STOX2: variants seen among roughly 807,000 people sequenced by gnomAD.
STOX2 encodes the protein storkhead-box protein 2.
STOX2 carries 28 observed loss-of-function variants against 60.9 expected under a neutral mutation model. The ratio of observed to expected loss-of-function variants is 0.46; its 90% CI spans 0.34 to 0.63. STOX2 has a LOEUF of 0.63. STOX2 is among the 30% of genes least tolerant of loss of function. The pLI is 0.01. For synonymous variants in STOX2, 472 were observed against 463.9 expected (o/e 1.02, Z -0.22); for missense variants, 1,024 against 1,187.7 (o/e 0.86, Z 2.03).
Position 183,980,439 on chromosome 4 carries a change from G to A in STOX2, c.167-20886G>A, listed in dbSNP as rs376105009. ...TGTCATTCTTGTCAGTAGGGATAGA[G>A]GTGGACATTAGGAGTCTGTCCCCGG... is the stretch of plus-strand genomic sequence containing the variant. On this transcript the variant is annotated intron_variant, in intron 1 of 3. Transcript: ENST00000308497. Among the ~76,000 whole-genome samples the A allele has an allele frequency of 2.6e-5, 4 of 152,294 alleles. No individual in the cohort carries two copies. The East Asian group carries it at 7.7e-4, about 29-fold the overall frequency.
Position 184,001,209 on chromosome 4 carries a change from T to C in STOX2, c.167-116T>C, listed in dbSNP as rs1400692156. The C allele has an allele frequency of 1.1e-5, 10 of 925,330 alleles. No individual in the cohort carries two copies. Among genetic ancestry groups the C allele is most frequent in the Non-Finnish European group, 1.6e-5 (10 of 613,260 alleles). The allele number at this position is 925,330 out of a possible 1,614,324, so 57.3% of individuals were successfully genotyped here. A position where few individuals can be genotyped will look rare whatever the true frequency, so the allele number is the denominator to read the frequency against. ...GAGTGGAATTGGCAAGCAGCTGCTA[T>C]GTTCGGAGCTGACTGTGTTCGTCAG... On this transcript the variant is annotated intron_variant, in intron 1 of 3. Coordinates refer to ENST00000308497, the MANE Select transcript of STOX2 (RefSeq NM_020225.3). This position sits in a 1 kb window ranked among gnomAD's most constrained non-coding sequence, Gnocchi z 4.2.
chr4:183,878,898 C>G lies in STOX2; in HGVS notation c.364+80843C>G, dbSNP rs185629803. ...TTTCCCTAAAGATTTACAGTGAAAGCTCTGCTCTCTAGAATTGTTCTTTAC... is the reference window on the plus strand; with the variant it reads ...TTTCCCTAAAGATTTACAGTGAAAGGTCTGCTCTCTAGAATTGTTCTTTAC... On this transcript the variant is annotated intron_variant, in intron 1 of 2. Transcript: ENST00000513034. Among the ~76,000 whole-genome samples the G allele has an allele frequency of 7.3e-5, 11 of 150,146 alleles. No individual in the cohort carries two copies. The East Asian group carries it at 2.1e-3, about 29-fold the overall frequency.
intron 1 of STOX2, among the ~76,000 whole-genome samples, chr4:183,832,465 C>T (rs1241619744): frequency 1.4e-5 from 2 of 141,104 alleles, no homozygotes; most frequent in African/African-American, 5.1e-5. Flanking sequence ...TCTGCAGCTT[C>T]TTAGTAGCCT....
rs1199363509 is a variant in STOX2, at chr4:184,006,685, CAA to C, written c.320-2455_320-2454del. Among the ~76,000 whole-genome samples the C allele has an allele frequency of 4.6e-3, 351 of 76,498 alleles. 1 individual carries two copies. Among genetic ancestry groups the C allele is most frequent in the African/African-American group, 0.018 (333 of 18,014 alleles). 50.2% of individuals were successfully genotyped at this position (76,498 alleles called of 152,430 possible). A position where few individuals can be genotyped will look rare whatever the true frequency, so the allele number is the denominator to read the frequency against. ...CCTGCGCAAGGGTGAGACCCTGTCT[CAA>C]AAAAAAAAAAAAAAAAAGGAAAAAA... On this transcript the variant is annotated intron_variant, in intron 2 of 3. Coordinates refer to ENST00000308497, the MANE Select transcript of STOX2 (RefSeq NM_020225.3).
chr4:183,900,786 A>G (rs933958125), upstream of STOX2, among the ~76,000 whole-genome samples: 15 of 152,298 alleles, frequency 9.8e-5, no homozygotes, highest in Non-Finnish European at 1.9e-4. Flanking sequence ...AATTAGCCCT[A>G]CTTAGAAACA....
intron 3 of STOX2, chr4:184,015,318 G>A (rs1197037881): frequency 1.3e-5 from 2 of 152,216 alleles, no homozygotes; most frequent in African/African-American, 4.8e-5. Context: ...CAAAGCCACT[G>A]GTGAGTTTTC....
intron 1 of STOX2, among the ~76,000 whole-genome samples, chr4:183,885,759 T>C (rs1432855502): frequency 6.6e-6 from 1 of 152,250 alleles, no homozygotes; most frequent in Non-Finnish European, 1.5e-5. Context: ...TCTTTAAATT[T>C]TGTTTTTAAA....
At chr4:183,805,652 G>A (rs1336336872) in intron 1 of STOX2, among the ~76,000 whole-genome samples, 1 of 152,038 alleles carries the variant, frequency 6.6e-6, no homozygotes, top group Non-Finnish European at 1.5e-5. Context: ...CTACAAAAAA[G>A]TTTTAAAAAA....
At chr4:183,956,098 G>A (rs910368961) in intron 1 of STOX2, among the ~76,000 whole-genome samples, 2 of 152,132 alleles carry the variant, frequency 1.3e-5, no homozygotes, top group Non-Finnish European at 1.5e-5. Flanking sequence ...GTCTGCCTAG[G>A]TTGAGAGGTA....
chr4:183,878,002 T>C (rs954828393), intron 1 of STOX2, among the ~76,000 whole-genome samples: 16 of 152,208 alleles, frequency 1.1e-4, no homozygotes, highest in Middle Eastern at 3.2e-3. Flanking sequence ...TGCCACACTT[T>C]CACATAATTT....
chr4:183,930,521 T>A (rs1038953743), intron 1 of STOX2, among the ~76,000 whole-genome samples: 1 of 150,258 alleles, frequency 6.7e-6, no homozygotes, highest in African/African-American at 2.4e-5. Context: ...TGTTTTTTGT[T>A]TTTTTTTTGT....
At chr4:183,915,202 T>G (rs1309528658) in intron 1 of STOX2, among the ~76,000 whole-genome samples, 1 of 152,214 alleles carries the variant, frequency 6.6e-6, no homozygotes, top group Non-Finnish European at 1.5e-5. Context: ...GACTATTGCC[T>G]GGCCTTATCC....
intron 1 of STOX2, among the ~76,000 whole-genome samples, chr4:183,832,179 A>G (rs7655219): frequency 0.087 from 13,190 of 150,934 alleles, 1,868 homozygotes; most frequent in African/African-American, 0.3. Flanking sequence ...TGGTAGAGAC[A>G]GGGTTTCACC....
At chr4:183,902,782 G>A (rs1306559565), upstream of STOX2, among the ~76,000 whole-genome samples, 1 of 152,182 alleles carries the variant, frequency 6.6e-6, no homozygotes, top group Non-Finnish European at 1.5e-5. Flanking sequence ...AGTTTGGATG[G>A]ATAAATTACT....
chr4:183,933,628 A>G (rs142985380), intron 1 of STOX2, among the ~76,000 whole-genome samples: 2,003 of 152,184 alleles, frequency 0.013, 54 homozygotes, highest in African/African-American at 0.046. Context: ...ACCTCAGGTG[A>G]TCCACCCGCC....
At position 184,021,444 on chromosome 4, in the gene STOX2, T is replaced by A. The variant is rs377157181; in HGVS notation, c.*4160T>A. The A allele has an allele frequency of 6.7e-6, 1 of 148,400 alleles. No homozygotes were observed. The highest frequency in any genetic ancestry group is 1.5e-5 in the Non-Finnish European group (1 of 67,052). The allele number at this position is 148,400 out of a possible 1,614,324, so 9.2% of individuals were successfully genotyped here. A position where few individuals can be genotyped will look rare whatever the true frequency, so the allele number is the denominator to read the frequency against. On this transcript the variant is annotated 3_prime_UTR_variant, in exon 4 of 4. Coordinates refer to ENST00000308497, the MANE Select transcript of STOX2 (RefSeq NM_020225.3). ...TCTTGACACTTTTGTCCATTTTCATTAAAAAAAAAAAAGTTCAGGGTGTTT... is the reference window on the plus strand; with the variant it reads ...TCTTGACACTTTTGTCCATTTTCATAAAAAAAAAAAAAGTTCAGGGTGTTT...
In STOX2 at chr4:184,018,855, G is replaced by A. The variant is rs966670617; in HGVS notation, c.*1571G>A. On this transcript the variant is annotated 3_prime_UTR_variant, in exon 4 of 4. Coordinates refer to ENST00000308497, the MANE Select transcript of STOX2 (RefSeq NM_020225.3). Reference sequence around the variant, plus strand: ...TGCAAAAGGGTTACATATGACACAAGTAAGTGTTCTGACATAAAGTTTTAT... The same window carrying A: ...TGCAAAAGGGTTACATATGACACAAATAAGTGTTCTGACATAAAGTTTTAT... 30 of 152,322 alleles carry A rather than the reference G, an allele frequency of 2.0e-4. No individual in the cohort carries two copies. Among genetic ancestry groups the A allele is most frequent in the African/African-American group, 7.2e-4 (30 of 41,582 alleles). The allele number at this position is 152,322 out of a possible 1,614,324, so 9.4% of individuals were successfully genotyped here.
At chr4:183,909,732 T>C (rs1404422224) in intron 1 of STOX2, among the ~76,000 whole-genome samples, 2 of 148,996 alleles carry the variant, frequency 1.3e-5, no homozygotes, top group Non-Finnish European at 3.0e-5. Context: ...AGTAGGTGCT[T>C]CAAGCAAAAT....
chr4:183,895,009 A>G (rs1034920078), intron 1 of STOX2, among the ~76,000 whole-genome samples: 4 of 152,218 alleles, frequency 2.6e-5, no homozygotes, highest in African/African-American at 9.6e-5. Flanking sequence ...GATGACACAA[A>G]CAACAATAAG....
Sources: allele counts gnomAD v4.1 joint callset (sites outside exome capture counted in the v4.1 genomes callset), GRCh38; gene constraint gnomAD v4.1.1; non-coding constraint Gnocchi (gnomAD v3.1); transcripts MANE v1.5; gene names NCBI Gene and HGNC (gene_info 2026-07-23, HGNC 2026-07-21).